Variants in TRAPPC11 observed in about 807,000 individuals in gnomAD.
TRAPPC11 encodes the protein foie gras homolog.
In TRAPPC11, 104 loss-of-function variants were observed where a neutral mutation model predicts 151.2. That is an observed-to-expected ratio of 0.69 (90% CI 0.59 to 0.81). The LOEUF (loss-of-function observed/expected upper bound fraction) is 0.81. Ranked by LOEUF, TRAPPC11 falls within the 30% of genes least tolerant of loss-of-function variation. The probability of loss-of-function intolerance (pLI) is 0.00; values close to 1 mark genes in which losing one functional copy is unlikely to be tolerated. For synonymous variants in TRAPPC11, 456 were observed against 472.3 expected (o/e 0.97, Z 0.45); for missense variants, 1,230 against 1,349.6 (o/e 0.91, Z 1.39).
chr4:183,700,463 A>G (rs557584629), intron 25 of TRAPPC11, among the ~76,000 whole-genome samples: 1 of 152,300 alleles, frequency 6.6e-6, no homozygotes, highest in East Asian at 1.9e-4. Context: ...GCACTCACAG[A>G]TTGCTAAAAT....
Position 183,693,028 on chromosome 4 carries a change from A to T in TRAPPC11, c.2118A>T (p.Gly706=), listed in dbSNP as rs752035218. 1.9e-6 allele frequency: 3 copies of T among 1,613,438 alleles called. No individual in the cohort carries two copies. The highest frequency in any genetic ancestry group is 1.1e-5 in the South Asian group (1 of 90,964). ...GTGTGGTTTTAAATTGGCAGGGAGG[A>T]GGAGGAGATGCTGCTTCCTCCCAAG... is the stretch of plus-strand genomic sequence containing the variant. ...GRCVVLNWQG[G]GGDAASSQEA... Residue 706 remains glycine, a synonymous_variant, in exon 20 of 30, where the codon GGA becomes GGT. Coordinates refer to ENST00000334690, the MANE Select transcript of TRAPPC11 (RefSeq NM_021942.6).
chr4:183,671,524 A>C (rs1247922910), intron 5 of TRAPPC11, among the ~76,000 whole-genome samples: 4 of 152,106 alleles, frequency 2.6e-5, no homozygotes, highest in African/African-American at 9.7e-5. Flanking sequence ...CACAGGATCT[A>C]CCTTCAATAT....
intron 29 of TRAPPC11, among the ~76,000 whole-genome samples, 154 bp downstream of exon 29, chr4:183,708,728 A>G (rs190532394): frequency 6.7e-4 from 102 of 152,326 alleles, no homozygotes; most frequent in Admixed American, 4.6e-3. Flanking sequence ...GTTCATTTCT[A>G]TAGTTACTTT....
At chr4:183,675,292 TG>T in intron 7 of TRAPPC11, 55 bp downstream of exon 7, 1 of 1,152,206 alleles carries the variant, frequency 8.7e-7, no homozygotes, top group Non-Finnish European at 1.2e-6. Flanking sequence ...CAATAACATG[TG>T]ATGGAAATTT....
At chr4:183,708,118 C>T (rs1737169249) in intron 28 of TRAPPC11, among the ~76,000 whole-genome samples, 1 of 152,166 alleles carries the variant, frequency 6.6e-6, no homozygotes, top group South Asian at 2.1e-4. Context: ...GATTCACCTG[C>T]CTTGAGTTCT....
intron 18 of TRAPPC11, among the ~76,000 whole-genome samples, chr4:183,688,303 C>T (rs1736088831): frequency 6.6e-6 from 1 of 152,004 alleles, no homozygotes; most frequent in East Asian, 1.9e-4. Flanking sequence ...GATGAAATTA[C>T]GATAGGTCGA....
chr4:183,676,293 G>A (rs774170282), intron 7 of TRAPPC11, among the ~76,000 whole-genome samples: 5 of 152,026 alleles, frequency 3.3e-5, no homozygotes, highest in Non-Finnish European at 5.9e-5. Context: ...GGGACTACAG[G>A]TGCCTGCCAC....
chr4:183,697,771 C>G lies in TRAPPC11; in HGVS notation c.2787C>G (p.Ser929=). The change falls in exon 25 of 30, where the codon TCC becomes TCG. Residue 929 remains serine (S), a synonymous_variant. Transcript: ENST00000334690. ...SASPWALTIV[S]SELQLAPSMT... is the part of the protein sequence containing the mutation. The stretch of plus-strand genomic sequence containing the variant: ...CACCCTGGGCCCTCACTATTGTTTC[C>G]AGTGAGCTCCAGCTTGCTCCATCCA... 1 of 1,614,026 alleles carries G rather than the reference C, an allele frequency of 6.2e-7. No homozygotes were observed. The highest frequency in any genetic ancestry group is 1.3e-5 in the African/African-American group (1 of 75,004).
rs1734556507 is a variant in TRAPPC11, at chr4:183,661,726, T to C, written c.-21-2121T>C. Among the ~76,000 whole-genome samples the C allele has an allele frequency of 3.3e-5, 5 of 150,398 alleles. No individual in the cohort carries two copies. In the South Asian group the frequency reaches 1.0e-3, roughly 32 times the overall value. On this transcript the variant is annotated intron_variant, in intron 1 of 29. Coordinates refer to ENST00000334690, the MANE Select transcript of TRAPPC11 (RefSeq NM_021942.6). The stretch of plus-strand genomic sequence containing the variant: ...ATTCTTTTTCAAATAAGATTATATT[T>C]AAAATGTAGTGATAATTTTGTTTGG...
chr4:183,681,184 A>G (rs1040260564), intron 10 of TRAPPC11, among the ~76,000 whole-genome samples: 1 of 151,818 alleles, frequency 6.6e-6, no homozygotes, highest in Admixed American at 6.6e-5. Context: ...GTTTATTTTC[A>G]CTTAAAACCT....
At chr4:183,702,071 C>T (rs1246713779) in intron 26 of TRAPPC11, among the ~76,000 whole-genome samples, 1 of 152,134 alleles carries the variant, frequency 6.6e-6, no homozygotes, top group Non-Finnish European at 1.5e-5. Context: ...GGGCTGGGCG[C>T]AGTGGCTCCC....
At chr4:183,692,098 C>G (rs956757875) in intron 19 of TRAPPC11, among the ~76,000 whole-genome samples, 1 of 152,102 alleles carries the variant, frequency 6.6e-6, no homozygotes, top group Non-Finnish European at 1.5e-5. Context: ...CTTTGTGTCT[C>G]AGTGTATTCA....
At chr4:183,664,130 G>A (rs1365687557) in intron 2 of TRAPPC11, 59 bp downstream of exon 2, 56 of 1,428,158 alleles carry the variant, frequency 3.9e-5, no homozygotes, top group Middle Eastern at 2.4e-4. Context: ...GTGTGTGTGT[G>A]TCTTTTTTGT....
In TRAPPC11 at chr4:183,682,753, C is replaced by T. The variant is rs201932605; in HGVS notation, c.1135C>T (p.Pro379Ser). ...ACAGGCTTCTGTAATGTATCCCAAT[C>T]CTGATCCCTTAGAAACACAAACAGG... is the stretch of plus-strand genomic sequence containing the variant. ...NHEASVMYPN[P>S]DPLETQTGVL... The change falls in exon 11 of 30, where the codon CCT becomes TCT. Residue 379 changes from proline (P) to serine (S), a missense_variant. By Grantham distance (74) the Pro-to-Ser change is moderately conservative. Transcript: ENST00000334690. 1.4e-5 allele frequency: 23 copies of T among 1,613,264 alleles called. No homozygotes were observed. Among genetic ancestry groups the T allele is most frequent in the Non-Finnish European group, 2.0e-5 (23 of 1,179,356 alleles).
chr4:183,680,224 C>A lies in TRAPPC11; in HGVS notation c.1070C>A (p.Ala357Asp). 6.2e-7 allele frequency: 1 copy of A among 1,613,968 alleles called. No homozygotes were observed. Among genetic ancestry groups the A allele is most frequent in the Non-Finnish European group, 8.5e-7 (1 of 1,179,952 alleles). ...GFYYQQAAYYAQERKQLAKTL... is the reference protein window; with the variant it reads ...GFYYQQAAYYDQERKQLAKTL... ...TATTACCAGCAGGCAGCATACTATGCCCAGGAGCGGAAACAGCTTGCAAAA... is the reference window on the plus strand; with the variant it reads ...TATTACCAGCAGGCAGCATACTATGACCAGGAGCGGAAACAGCTTGCAAAA... The change falls in exon 10 of 30, where the codon GCC (alanine) becomes GAC (aspartate). Residue 357 changes from alanine (A) to aspartate (D), a missense_variant. Ala to Asp is a moderately radical substitution (Grantham distance 126). Coordinates refer to ENST00000334690, the MANE Select transcript of TRAPPC11 (RefSeq NM_021942.6).
intron 11 of TRAPPC11, among the ~76,000 whole-genome samples, 157 bp downstream of exon 11, chr4:183,682,982 A>G (rs148446705): frequency 3.3e-5 from 5 of 152,358 alleles, no homozygotes; most frequent in East Asian, 1.9e-4. Flanking sequence ...CTTTGTATGT[A>G]TCACTGCATC....
rs748231108 is a variant in TRAPPC11 at position 183,712,630 on chromosome 4, A to G, written c.3388A>G (p.Ile1130Val). The change falls in exon 30 of 30, where the codon ATT becomes GTT. Residue 1130 changes from isoleucine to valine, a missense_variant. Transcript: ENST00000334690. ...GGGTCGACTCATGGATGATACCTCT[A>G]TTGCTGCTGCATGATGTTCAAGACC... is the stretch of plus-strand genomic sequence containing the variant. Reference protein sequence around the residue: ...PQGRLMDDTSIAAA With the variant: ...PQGRLMDDTSVAAA The G allele has an allele frequency of 3.7e-6, 6 of 1,614,164 alleles. 1 individual carries two copies. The Admixed American group carries it at 5.0e-5, about 13-fold the overall frequency.
chr4:183,665,091 CTTTTTTTTT>C (rs66913932), intron 2 of TRAPPC11, among the ~76,000 whole-genome samples: 1 of 106,450 alleles, frequency 9.4e-6, no homozygotes, highest in Non-Finnish European at 1.8e-5. Context: ...TCTTTTCTTT[CTTTTTTTTT>C]TTTTTTTTTT....
chr4:183,676,792 T>C (rs1735434136), intron 7 of TRAPPC11, among the ~76,000 whole-genome samples: 1 of 152,100 alleles, frequency 6.6e-6, no homozygotes, highest in Admixed American at 6.5e-5. Flanking sequence ...TGAGATGGCA[T>C]CTCCCTCTGT....
Sources: allele counts gnomAD v4.1 joint callset (sites outside exome capture counted in the v4.1 genomes callset), GRCh38; gene constraint gnomAD v4.1.1; transcripts MANE v1.5; gene names NCBI Gene and HGNC (gene_info 2026-07-23, HGNC 2026-07-21).